Variants in POM121 observed in about 807,000 individuals in gnomAD.
The protein encoded by POM121 is nuclear envelope pore membrane protein POM 121.
POM121 carries 32 observed loss-of-function variants against 81.3 expected under a neutral mutation model. The ratio of observed to expected loss-of-function variants is 0.39; its 90% CI spans 0.30 to 0.53. POM121 has a LOEUF of 0.53. Ranked by LOEUF, POM121 falls within the 20% of genes least tolerant of loss-of-function variation. POM121 has a pLI of 0.66. For missense variants in POM121, 1,138 were observed against 1,614.6 expected (o/e 0.70, Z 5.06); for synonymous variants, 514 against 694.2 (o/e 0.74, Z 4.08).
rs187048478 is a variant in POM121 at position 72,946,293 on chromosome 7, G to T, written c.*59G>T. On this transcript the variant is annotated 3_prime_UTR_variant, in exon 13 of 13. Coordinates refer to ENST00000434423, the MANE Select transcript of POM121 (RefSeq NM_001387691.1). ...TCCCTAAATCTGGACCTTGGCACCT[G>T]CTAGGAAGAGCCTTGGACCCTTCCA... 3.1e-6 allele frequency: 5 copies of T among 1,598,636 alleles called. No individual in the cohort carries two copies. Among genetic ancestry groups the T allele is most frequent in the Non-Finnish European group, 4.3e-6 (5 of 1,173,318 alleles).
chr7:72,890,384 T>A (rs1791183484), intron 1 of POM121, among the ~76,000 whole-genome samples: 1 of 152,152 alleles, frequency 6.6e-6, no homozygotes, highest in Non-Finnish European at 1.5e-5. Flanking sequence ...TTCACTCATC[T>A]CATATCCCCA....
chr7:72,914,229 G>A (rs1279429657), intron 4 of POM121, among the ~76,000 whole-genome samples: 2 of 152,214 alleles, frequency 1.3e-5, no homozygotes, highest in African/African-American at 2.4e-5. Context: ...CTGGCTGACA[G>A]CCAGTATCAG....
At chr7:72,884,133 C>T (rs1421523499) in intron 1 of POM121, among the ~76,000 whole-genome samples, 3 of 152,096 alleles carry the variant, frequency 2.0e-5, no homozygotes, top group African/African-American at 7.2e-5. Flanking sequence ...TTGAACTGGG[C>T]TCAAGTGATC....
Position 72,946,261 on chromosome 7 carries a change from C to A in POM121, c.*27C>A, listed in dbSNP as rs373637100. ...CTTTGTCCCCTGTCCCTGTTCCCCC[C>A]ACCCCTTCCCTAAATCTGGACCTTG... On this transcript the variant is annotated 3_prime_UTR_variant, in exon 13 of 13. Coordinates refer to ENST00000434423, the MANE Select transcript of POM121 (RefSeq NM_001387691.1). 121 of 1,607,900 alleles carry A rather than the reference C, an allele frequency of 7.5e-5. 1 individual carries two copies. The South Asian group carries it at 1.3e-3, about 17-fold the overall frequency.
chr7:72,906,816 T>C (rs1325196178), intron 3 of POM121, among the ~76,000 whole-genome samples: 5 of 151,496 alleles, frequency 3.3e-5, no homozygotes, highest in African/African-American at 1.2e-4. Context: ...TTTGTAGAGA[T>C]GGGGTCTCAC....
chr7:72,883,164 T>C (rs1193593784), intron 1 of POM121, among the ~76,000 whole-genome samples: 1 of 152,202 alleles, frequency 6.6e-6, no homozygotes, highest in Non-Finnish European at 1.5e-5. Flanking sequence ...CTCAGCCTCC[T>C]GCGTAGCTGG....
intron 3 of POM121, among the ~76,000 whole-genome samples, chr7:72,897,510 AAATGGG>A (rs1792086512): frequency 6.6e-6 from 1 of 152,322 alleles, no homozygotes; most frequent in African/African-American, 2.4e-5. Context: ...ACTCTGAATA[AAATGGG>A]AATCTTTGCA....
chr7:72,917,383 T>A (rs1190880369), intron 4 of POM121, among the ~76,000 whole-genome samples: 1 of 152,130 alleles, frequency 6.6e-6, no homozygotes, highest in African/African-American at 2.4e-5. Flanking sequence ...AAAGCTTAGG[T>A]CTTTCTGAGC....
rs1318665595 is a variant in POM121, at chr7:72,942,185, T to C, written c.2192T>C (p.Ile731Thr). The C allele has an allele frequency of 6.2e-7, 1 of 1,609,918 alleles. No individual in the cohort carries two copies. The highest frequency in any genetic ancestry group is 8.5e-7 in the Non-Finnish European group (1 of 1,179,860). Residue 731 changes from isoleucine (I) to threonine (T), a missense_variant, in exon 11 of 13, where the codon ATT becomes ACT. Around this residue, in one of 7 missense-constraint regions of POM121, gnomAD observed 37 missense variants for 62.8 expected, o/e 0.59. Coordinates refer to ENST00000434423, the MANE Select transcript of POM121 (RefSeq NM_001387691.1). Reference sequence around the variant, plus strand: ...TCAGCACCTCCCATGTTCAAGCCCATTTTCACGGCTCCACCCAAGAGTGAG... The same window carrying C: ...TCAGCACCTCCCATGTTCAAGCCCACTTTCACGGCTCCACCCAAGAGTGAG... Reference protein sequence around the residue: ...ASSAPPMFKPIFTAPPKSEKE... With the variant: ...ASSAPPMFKPTFTAPPKSEKE...
At chr7:72,928,255 AC>A (rs1795665283) in intron 3 of POM121, 129 bp from the exon 4 acceptor site, 2 of 1,322,880 alleles carry the variant, frequency 1.5e-6, no homozygotes, top group Non-Finnish European at 2.1e-6. Context: ...ATTTTAAACA[AC>A]CATTTTCTGG....
chr7:72,940,106 C>T, intron 8 of POM121, 138 bp downstream of exon 8: 2 of 1,161,762 alleles, frequency 1.7e-6, no homozygotes, highest in Non-Finnish European at 2.4e-6. Context: ...CCTCTGTCAC[C>T]CAGGCTGGAG....
At position 72,930,385 on chromosome 7, in the gene POM121, T is replaced by C. The variant is rs530864880; in HGVS notation, c.1275+274T>C. Among the ~76,000 whole-genome samples the C allele has an allele frequency of 9.2e-5, 14 of 152,334 alleles. 1 individual carries two copies. The South Asian group carries it at 2.9e-3, about 32-fold the overall frequency. On this transcript the variant is annotated intron_variant, in intron 5 of 12. Transcript: ENST00000434423. The stretch of plus-strand genomic sequence containing the variant: ...ATCTGTCAGACATTAGAATTGTCTT[T>C]AAGCTAATAGAAAATACAGATCATT...
At chr7:72,917,808 G>C (rs2129576852) in intron 4 of POM121, among the ~76,000 whole-genome samples, 1 of 152,324 alleles carries the variant, frequency 6.6e-6, no homozygotes, top group Non-Finnish European at 1.5e-5. Flanking sequence ...TACCACCAAT[G>C]CGCAGAGACC....
intron 4 of POM121, among the ~76,000 whole-genome samples, chr7:72,914,998 C>T (rs1554494903): frequency 1.3e-5 from 2 of 152,178 alleles, no homozygotes; most frequent in African/African-American, 2.4e-5. Flanking sequence ...GTATTATTCC[C>T]TCCACCTCTG....
chr7:72,942,859 G>A lies in POM121; in HGVS notation c.2866G>A (p.Ala956Thr), dbSNP rs367895564. ...GTTCAACATTCCCTTTGGCTCAAGC[G>A]CCAAGTCCCCGCTCCCATCATATCC... ...PTFNIPFGSSAKSPLPSYPGA... is the reference protein window; with the variant it reads ...PTFNIPFGSSTKSPLPSYPGA... The change falls in exon 11 of 13, where the codon GCC becomes ACC. Residue 956 changes from alanine (A) to threonine (T), a missense_variant. Around this residue, in one of 7 missense-constraint regions of POM121, gnomAD observed 45 missense variants for 75.7 expected, o/e 0.59. Coordinates refer to ENST00000434423, the MANE Select transcript of POM121 (RefSeq NM_001387691.1). The A allele has an allele frequency of 6.1e-4, 970 of 1,583,576 alleles. No homozygotes were observed. Among genetic ancestry groups the A allele is most frequent in the Non-Finnish European group, 7.2e-4 (835 of 1,166,732 alleles).
chr7:72,882,218 A>C (rs1790230942), intron 1 of POM121, among the ~76,000 whole-genome samples: 1 of 152,194 alleles, frequency 6.6e-6, no homozygotes, highest in Non-Finnish European at 1.5e-5. Context: ...AGGCTCTATC[A>C]TAGGAAGCAT....
At position 72,925,158 on chromosome 7, in the gene POM121, C is replaced by T. The variant is rs1459542789; in HGVS notation, c.37C>T (p.Arg13Trp). 7 of 1,476,818 alleles carry T rather than the reference C, an allele frequency of 4.7e-6. No individual in the cohort carries two copies. Among genetic ancestry groups the T allele is most frequent in the African/African-American group, 4.4e-5 (3 of 67,934 alleles). The allele number at this position is 1,476,818 out of a possible 1,614,324, so 91.5% of individuals were successfully genotyped here. ...GGCTGCGGCGGCTGGAGCAGGCGAG[C>T]GGCGGCGGCCCATAGCGAGTGTCAG... is the stretch of plus-strand genomic sequence containing the variant. ...PAAAAAGAGE[R>W]RRPIASVRDG... The change falls in exon 1 of 13, where the codon CGG (arginine) becomes TGG (tryptophan). Residue 13 changes from arginine (R) to tryptophan (W), a missense_variant. This residue lies in a region of POM121 where 646 missense variants were observed against 633.5 expected (regional missense o/e 1.02). Transcript: ENST00000434423.
rs782749201 is a variant in POM121 at position 72,939,429 on chromosome 7, G to T, written c.1441+20G>T. The T allele has an allele frequency of 1.9e-6, 3 of 1,613,568 alleles. No individual in the cohort carries two copies. The highest frequency in any genetic ancestry group is 2.5e-6 in the Non-Finnish European group (3 of 1,179,654). ...AAAAGGGTAGGTTGCTGAGCCAGGA[G>T]GAGGGGCTGCTGTTGGTGGTGGAGG... On this transcript the variant is annotated intron_variant, in intron 7 of 12. Coordinates refer to ENST00000434423, the MANE Select transcript of POM121 (RefSeq NM_001387691.1).
At position 72,926,805 on chromosome 7, in the gene POM121, A is replaced by G. The variant is rs1433859406; in HGVS notation, c.864A>G (p.Pro288=). ...PDRRFSRSAI[P]EQIISSTLSS... is the part of the protein sequence containing the mutation. ...AGAATCTTGTCTTTCATTGTAGACC[A>G]GAGCAGATAATCAGCTCAACACTGT... Residue 288 remains proline, a synonymous_variant, in exon 3 of 13, where the codon CCA becomes CCG. Transcript: ENST00000434423. 1 of 1,613,812 alleles carries G rather than the reference A, an allele frequency of 6.2e-7. No individual in the cohort carries two copies. Among genetic ancestry groups the G allele is most frequent in the Non-Finnish European group, 8.5e-7 (1 of 1,179,770 alleles).
Sources: gnomAD v4.1 joint callset for allele counts (sites outside exome capture counted in the v4.1 genomes callset) on GRCh38, gnomAD v4.1.1 for gene constraint, gnomAD v4.1.1 regional missense constraint, MANE v1.5 for transcripts, NCBI Gene and HGNC (gene_info 2026-07-23, HGNC 2026-07-21) for gene names.